FYB2: variants seen among roughly 807,000 people sequenced by gnomAD.
FYB2 encodes FYN binding protein 2, also known as FYN-binding protein 2.
A neutral mutation model predicts 94.1 loss-of-function variants in FYB2; 103 were observed. The observed-to-expected ratio is 1.09, with a 90% CI of 0.93 to 1.29. FYB2 has a LOEUF of 1.29. Ranked by LOEUF, FYB2 falls within the 50% of genes most tolerant of loss-of-function variation. The probability of loss-of-function intolerance (pLI) is 0.00; values close to 1 mark genes in which losing one functional copy is unlikely to be tolerated. For missense variants in FYB2, 896 were observed against 841.5 expected (o/e 1.06, Z -0.80); for synonymous variants, 293 against 287.9 (o/e 1.02, Z -0.18).
intron 1 of FYB2, 88 bp downstream of exon 1, chr1:56,819,194 G>C (rs1420654239): frequency 6.1e-6 from 9 of 1,487,556 alleles, no homozygotes; most frequent in African/African-American, 1.4e-5. Context: ...CACACAAGCA[G>C]TTTTTCCCCA....
chr1:56,723,179 T>C (rs1422533001), intron 17 of FYB2, among the ~76,000 whole-genome samples: 2 of 151,476 alleles, frequency 1.3e-5, no homozygotes, highest in Non-Finnish European at 2.9e-5. Context: ...CAAAAAGGAC[T>C]CAAGAGATTA....
intron 1 of FYB2, among the ~76,000 whole-genome samples, chr1:56,810,110 T>G (rs1181252994): frequency 6.6e-6 from 1 of 152,156 alleles, no homozygotes; most frequent in Non-Finnish European, 1.5e-5. Context: ...ATTATCATGA[T>G]GATCATGGTG....
At chr1:56,805,583 A>T (rs538493505) in intron 1 of FYB2, among the ~76,000 whole-genome samples, 6 of 152,118 alleles carry the variant, frequency 3.9e-5, no homozygotes, top group Non-Finnish European at 7.4e-5. Context: ...CTAAGCCAAG[A>T]TCTGAACCCA....
At chr1:56,798,028 G>A (rs1035358660) in intron 1 of FYB2, among the ~76,000 whole-genome samples, 4 of 152,208 alleles carry the variant, frequency 2.6e-5, no homozygotes, top group Non-Finnish European at 4.4e-5. Context: ...ACCCCTTTAA[G>A]ACAGGGCCAG....
intron 16 of FYB2, among the ~76,000 whole-genome samples, chr1:56,725,355 ATGATACAGAAAT>A (rs1363981025): frequency 1.3e-5 from 2 of 152,092 alleles, no homozygotes; most frequent in African/African-American, 4.8e-5. Context: ...CATTTTAAAA[ATGATACAGAAAT>A]TGATACAGAA....
chr1:56,806,144 G>T (rs953051567), intron 1 of FYB2, among the ~76,000 whole-genome samples: 1 of 152,142 alleles, frequency 6.6e-6, no homozygotes, highest in African/African-American at 2.4e-5. Flanking sequence ...GGGGTTCACA[G>T]TCTCATGGAA....
At chr1:56,760,800 G>GT (rs1645474375) in intron 5 of FYB2, among the ~76,000 whole-genome samples, 1 of 152,146 alleles carries the variant, frequency 6.6e-6, no homozygotes, top group East Asian at 1.9e-4. Context: ...TATTCATAAT[G>GT]TTGTTACTGC....
intron 1 of FYB2, among the ~76,000 whole-genome samples, chr1:56,795,379 G>A (rs879583526): frequency 2.0e-4 from 30 of 152,112 alleles, no homozygotes; most frequent in African/African-American, 3.4e-4. Flanking sequence ...CCATTCATCC[G>A]TCAATGGAGA....
intron 4 of FYB2, among the ~76,000 whole-genome samples, chr1:56,772,304 A>G (rs1645776280): frequency 6.6e-6 from 1 of 152,176 alleles, no homozygotes; most frequent in Non-Finnish European, 1.5e-5. Context: ...AGAAAATTTT[A>G]CCAAAGTTTC....
Position 56,792,312 on chromosome 1 carries a change from G to C in FYB2, c.501C>G (p.Ile167Met), listed in dbSNP as rs371302148. 11 of 1,613,942 alleles carry C rather than the reference G, an allele frequency of 6.8e-6. No individual in the cohort carries two copies. The African/African-American group carries it at 1.3e-4, about 20-fold the overall frequency. Residue 167 changes from isoleucine to methionine, a missense_variant, in exon 2 of 20, where the codon ATC becomes ATG. By Grantham distance (10) the Ile-to-Met change is conservative. Transcript: ENST00000343433. The part of the protein sequence containing the change: ...LLLANYGSKA[I>M]HLEGQKGMGL... ...CCATGCCTTTTTGCCCTTCCAGATG[G>C]ATGGCCTTACTTCCATAGTTGGCAA... is the stretch of plus-strand genomic sequence containing the variant.
At chr1:56,738,430 A>T (rs1644878029) in intron 14 of FYB2, among the ~76,000 whole-genome samples, 195 bp downstream of exon 14, 1 of 152,116 alleles carries the variant, frequency 6.6e-6, no homozygotes. Context: ...CATGGTATGT[A>T]GTAGGTACTT....
intron 16 of FYB2, 32 bp downstream of exon 16, chr1:56,726,465 A>G (rs1419396747): frequency 5.1e-6 from 8 of 1,578,470 alleles, no homozygotes; most frequent in Non-Finnish European, 6.1e-6. Context: ...TGCAGCAGAT[A>G]AGCTATAATA....
intron 1 of FYB2, among the ~76,000 whole-genome samples, chr1:56,797,267 A>C (rs1646421831): frequency 6.6e-6 from 1 of 152,188 alleles, no homozygotes. Flanking sequence ...CTGGAGAAGA[A>C]AGGAGAGGCC....
In FYB2 at chr1:56,788,438, T is replaced by C. The variant is rs537526100; in HGVS notation, c.919+535A>G. ...GAGGGATGAGAGGTGTTCCTTTAAA[T>C]AGAAGAAGACACAAAATAGCACAGA... On this transcript the variant is annotated intron_variant, in intron 3 of 19. Coordinates refer to ENST00000343433, the MANE Select transcript of FYB2 (RefSeq NM_001004303.5). Among the ~76,000 whole-genome samples, 11 of 152,276 alleles carry C rather than the reference T, an allele frequency of 7.2e-5. No homozygotes were observed. In the East Asian group the frequency reaches 1.9e-3, roughly 27 times the overall value.
intron 5 of FYB2, among the ~76,000 whole-genome samples, chr1:56,760,028 G>A (rs12410059): frequency 0.2 from 29,385 of 148,486 alleles, 3,401 homozygotes; most frequent in East Asian, 0.42. Context: ...GCAGTGAGCC[G>A]AGATCGCGCT....
At chr1:56,762,514 C>T (rs968114660) in intron 5 of FYB2, among the ~76,000 whole-genome samples, 4 of 151,998 alleles carry the variant, frequency 2.6e-5, no homozygotes, top group South Asian at 4.2e-4. Context: ...TTTTCAATTT[C>T]AGTATTTGTA....
chr1:56,738,574 A>C (rs759934027), intron 14 of FYB2, 51 bp downstream of exon 14: 5 of 1,537,500 alleles, frequency 3.3e-6, no homozygotes, highest in Non-Finnish European at 3.5e-6. Context: ...CCTGCCTCTG[A>C]ATATACAAAA....
At chr1:56,799,826 A>G (rs1399755034) in intron 1 of FYB2, among the ~76,000 whole-genome samples, 9 of 152,172 alleles carry the variant, frequency 5.9e-5, no homozygotes, top group Non-Finnish European at 1.3e-4. Flanking sequence ...CTTAACATCT[A>G]CAATGGCATT....
At chr1:56,728,367 T>A (rs551989099) in intron 15 of FYB2, among the ~76,000 whole-genome samples, 1 of 152,242 alleles carries the variant, frequency 6.6e-6, no homozygotes, top group Non-Finnish European at 1.5e-5. Flanking sequence ...TTATAGCAGG[T>A]CCTTCTTTGT....
Sources: allele counts gnomAD v4.1 joint callset (sites outside exome capture counted in the v4.1 genomes callset), GRCh38; gene constraint gnomAD v4.1.1; transcripts MANE v1.5; gene names NCBI Gene and HGNC (gene_info 2026-07-23, HGNC 2026-07-21).